ANO10: variants seen among roughly 807,000 people sequenced by gnomAD.
ANO10 encodes anoctamin-10.
Under a neutral mutation model 74.7 loss-of-function variants are expected in ANO10, and 77 were observed. The ratio of observed to expected loss-of-function variants is 1.03; its 90% CI spans 0.86 to 1.25. The LOEUF (loss-of-function observed/expected upper bound fraction) is 1.25. Among genes scored for constraint, ANO10 ranks in the 50% most tolerant of loss-of-function variants. The probability of loss-of-function intolerance (pLI) is 0.00; values close to 1 mark genes in which losing one functional copy is unlikely to be tolerated. For missense variants in ANO10, 721 were observed against 778.1 expected (o/e 0.93, Z 0.87); for synonymous variants, 279 against 284.9 (o/e 0.98, Z 0.21).
chr3:43,573,954 G>T (rs946985109), intron 7 of ANO10, among the ~76,000 whole-genome samples: 1 of 152,158 alleles, frequency 6.6e-6, no homozygotes, highest in Non-Finnish European at 1.5e-5. Flanking sequence ...TGTTGTTATT[G>T]TTGTTGTTTT....
At chr3:43,541,112 C>A (rs1302158896) in intron 11 of ANO10, among the ~76,000 whole-genome samples, 1 of 152,112 alleles carries the variant, frequency 6.6e-6, no homozygotes, top group Admixed American at 6.6e-5. Flanking sequence ...AAATAAAAAA[C>A]CAACCCAACT....
intron 1 of ANO10, among the ~76,000 whole-genome samples, chr3:43,633,271 G>A (rs1181792731): frequency 6.6e-6 from 1 of 152,116 alleles, no homozygotes; most frequent in Non-Finnish European, 1.5e-5. Context: ...CATCCTCCCT[G>A]TAGTGTTGAA....
chr3:43,689,003 C>T (rs1158444803), intron 1 of ANO10, among the ~76,000 whole-genome samples: 1 of 152,128 alleles, frequency 6.6e-6, no homozygotes, highest in African/African-American at 2.4e-5. Flanking sequence ...CGGGAGCAGG[C>T]ATCTTACATG....
intron 1 of ANO10, among the ~76,000 whole-genome samples, chr3:43,683,647 G>A (rs1441550164): frequency 6.6e-6 from 1 of 152,196 alleles, no homozygotes; most frequent in Non-Finnish European, 1.5e-5. Flanking sequence ...AAAGAACAAA[G>A]CTGGAGGCAT....
chr3:43,498,573 C>G (rs960623964), intron 11 of ANO10, among the ~76,000 whole-genome samples: 2 of 152,176 alleles, frequency 1.3e-5, no homozygotes, highest in Non-Finnish European at 2.9e-5. Context: ...GCTTTCAAAG[C>G]CTGCCTAAAA....
At chr3:43,533,042 C>A (rs756047960) in intron 11 of ANO10, among the ~76,000 whole-genome samples, 7 of 152,104 alleles carry the variant, frequency 4.6e-5, no homozygotes, top group African/African-American at 7.2e-5. Flanking sequence ...TGCTTCCAGG[C>A]ATGATAGAGC....
At chr3:43,441,538 G>C (rs1314183760) in intron 11 of ANO10, among the ~76,000 whole-genome samples, 1 of 151,872 alleles carries the variant, frequency 6.6e-6, no homozygotes, top group Non-Finnish European at 1.5e-5. Flanking sequence ...ACAAAGAAAA[G>C]CCCAGGACCA....
At chr3:43,532,784 A>G in intron 11 of ANO10, among the ~76,000 whole-genome samples, 1 of 152,210 alleles carries the variant, frequency 6.6e-6, no homozygotes, top group Non-Finnish European at 1.5e-5. Context: ...CAAAACAACA[A>G]CAGCAATCTC....
Position 43,577,856 on chromosome 3 carries a change from T to C in ANO10, c.593-595A>G, listed in dbSNP as rs188746451. 5.3e-3 allele frequency among the ~76,000 whole-genome samples: 802 copies of C among 152,296 alleles called. 12 individuals carry two copies. Among genetic ancestry groups the C allele is most frequent in the Admixed American group, 0.013 (205 of 15,304 alleles). On this transcript the variant is annotated intron_variant, in intron 5 of 12. Coordinates refer to ENST00000292246, the MANE Select transcript of ANO10 (RefSeq NM_018075.5). ...AGCCATGGAACACATTTATCAACACTTTCATATATGCACTGGGCAGAAGAA... is the reference window on the plus strand; with the variant it reads ...AGCCATGGAACACATTTATCAACACCTTCATATATGCACTGGGCAGAAGAA...
intron 11 of ANO10, among the ~76,000 whole-genome samples, chr3:43,509,665 T>C (rs560869345): frequency 2.0e-5 from 3 of 152,328 alleles, no homozygotes; most frequent in Non-Finnish European, 4.4e-5. Flanking sequence ...CAACATGCAA[T>C]TACCATTCAA....
chr3:43,568,024 G>A (rs970815332), intron 7 of ANO10, among the ~76,000 whole-genome samples: 29 of 151,512 alleles, frequency 1.9e-4, no homozygotes, highest in African/African-American at 6.5e-4. Context: ...AAAAGGCAGG[G>A]GTTGCAATCC....
intron 1 of ANO10, among the ~76,000 whole-genome samples, chr3:43,661,036 T>C (rs2083919634): frequency 6.6e-6 from 1 of 152,118 alleles, no homozygotes; most frequent in African/African-American, 2.4e-5. Context: ...AATGTTCAAA[T>C]TCAGGATATA....
At chr3:43,463,334 G>C (rs925340117) in intron 11 of ANO10, among the ~76,000 whole-genome samples, 4 of 152,216 alleles carry the variant, frequency 2.6e-5, no homozygotes, top group Non-Finnish European at 5.9e-5. Context: ...GAGACATGGA[G>C]TCAAAGGAGA....
chr3:43,407,391 GC>G (rs1303069064), intron 12 of ANO10, among the ~76,000 whole-genome samples: 3 of 152,164 alleles, frequency 2.0e-5, no homozygotes, highest in South Asian at 4.1e-4. Context: ...TAAAGAGACT[GC>G]CAAATTGATC....
intron 1 of ANO10, chr3:43,690,893 G>A (rs2084356312): frequency 3.0e-6 from 4 of 1,328,728 alleles, no homozygotes; most frequent in South Asian, 1.5e-5. Context: ...CGCATGCGCT[G>A]GCGGCCTGCG....
At chr3:43,432,944 CTTTTTTTTTTT>C (rs5848663) in intron 11 of ANO10, among the ~76,000 whole-genome samples, 14,726 of 55,474 alleles carry the variant, frequency 0.27, 1,030 homozygotes, top group African/African-American at 0.31. Context: ...TTGCTTAATT[CTTTTTTTTTTT>C]TTTTTTTTTT....
chr3:43,566,794 G>A (rs1220250844), intron 7 of ANO10, among the ~76,000 whole-genome samples: 1 of 152,202 alleles, frequency 6.6e-6, no homozygotes, highest in Non-Finnish European at 1.5e-5. Context: ...CTCCTCCAAA[G>A]GAACGCAGTT....
chr3:43,659,479 T>C (rs1056091763), intron 1 of ANO10, among the ~76,000 whole-genome samples: 25 of 152,124 alleles, frequency 1.6e-4, no homozygotes, highest in Admixed American at 1.6e-3. Context: ...GAGATCAACC[T>C]GGGACACAGG....
At chr3:43,406,971 T>C (rs1417906677) in intron 12 of ANO10, among the ~76,000 whole-genome samples, 2 of 151,974 alleles carry the variant, frequency 1.3e-5, no homozygotes, top group African/African-American at 4.8e-5. Context: ...TGGCATGATC[T>C]TGGCTCACTG....
Sources: gnomAD v4.1 joint callset for allele counts (sites outside exome capture counted in the v4.1 genomes callset) on GRCh38, gnomAD v4.1.1 for gene constraint, MANE v1.5 for transcripts, NCBI Gene and HGNC (gene_info 2026-07-23, HGNC 2026-07-21) for gene names.